LMLN: variants seen among roughly 807,000 people sequenced by gnomAD.
LMLN encodes leishmanolysin-like peptidase.
In LMLN, 70 loss-of-function variants were observed where a neutral mutation model predicts 92.3. That is an observed-to-expected ratio of 0.76 (90% CI 0.63 to 0.92). LMLN has a LOEUF of 0.92. Among genes scored for constraint, LMLN ranks in the 40% least tolerant of loss-of-function variants. The pLI, the probability that LMLN is intolerant of heterozygous loss-of-function variation, is 0.00. For missense variants in LMLN, 691 were observed against 814.6 expected, an observed-to-expected ratio of 0.85 and a Z score of 1.85; for synonymous variants, 308 against 296.2, an observed-to-expected ratio of 1.04 and a Z score of -0.41.
intron 2 of LMLN, 147 bp from the exon 3 acceptor site, chr3:197,974,895 T>C: frequency 1.6e-6 from 1 of 638,300 alleles, no homozygotes. Flanking sequence ...GCAAGGTTAT[T>C]AGAAAAGTAA....
intron 5 of LMLN, among the ~76,000 whole-genome samples, chr3:197,978,613 G>T (rs1252572603): frequency 6.6e-6 from 1 of 152,180 alleles, no homozygotes; most frequent in South Asian, 2.1e-4. Flanking sequence ...CTCCAACCTG[G>T]GTGACAGAGT....
At chr3:198,030,245 C>T (rs751339626) in intron 14 of LMLN, among the ~76,000 whole-genome samples, 1 of 152,122 alleles carries the variant, frequency 6.6e-6, no homozygotes, top group Non-Finnish European at 1.5e-5. Flanking sequence ...TGGTTCGCCT[C>T]GTCCTCTTGC....
At chr3:197,996,382 C>T (rs1310458891) in intron 10 of LMLN, 100 bp downstream of exon 10, 25 of 677,914 alleles carry the variant, frequency 3.7e-5, no homozygotes, top group Non-Finnish European at 9.5e-6. Context: ...AAAATGTTTA[C>T]GTCCCTTTAC....
intron 13 of LMLN, 145 bp from the exon 15 acceptor site, chr3:198,024,513 C>A: frequency 1.4e-6 from 1 of 702,896 alleles, no homozygotes. Context: ...CCGTGCCCAG[C>A]CTACCCTAAT....
intron 11 of LMLN, among the ~76,000 whole-genome samples, chr3:198,015,235 T>C (rs1259143334): frequency 1.5e-5 from 2 of 134,436 alleles, no homozygotes; most frequent in African/African-American, 5.8e-5. Flanking sequence ...GTCTGACTTC[T>C]CTCCACCCTT....
At chr3:197,965,007 C>CAA (rs954254964) in intron 1 of LMLN, among the ~76,000 whole-genome samples, 27 of 91,018 alleles carry the variant, frequency 3.0e-4, no homozygotes, top group African/African-American at 8.1e-4. Flanking sequence ...AACTCTGTCT[C>CAA]AAAAAAAAAA....
chr3:198,012,282 C>T (rs1018215259), intron 11 of LMLN, among the ~76,000 whole-genome samples: 6 of 152,174 alleles, frequency 3.9e-5, no homozygotes, highest in African/African-American at 7.2e-5. Flanking sequence ...CCAGGCTGGT[C>T]TTGAACTGCT....
rs1313869409 is a variant in LMLN at position 198,036,129 on chromosome 3, A to G, written c.1867+86A>G. The G allele has an allele frequency of 4.9e-6, 6 of 1,218,458 alleles. No homozygotes were observed. The African/African-American group carries it at 7.5e-5, about 15-fold the overall frequency. 75.5% of individuals were successfully genotyped at this position (1,218,458 alleles called of 1,614,324 possible). A position where few individuals can be genotyped will look rare whatever the true frequency, so the allele number is the denominator to read the frequency against. ...AAAATGTTGGCATTTCCCTTCAAGG[A>G]AGCTCTAAAACAAGTTGAGTTTCTT... On this transcript the variant is annotated intron_variant, in intron 15 of 15. Coordinates refer to ENST00000330198, the Ensembl canonical transcript of LMLN.
chr3:197,998,173 A>G (rs1722078502), intron 10 of LMLN, among the ~76,000 whole-genome samples: 1 of 152,232 alleles, frequency 6.6e-6, no homozygotes, highest in African/African-American at 2.4e-5. Flanking sequence ...ACCACAATAG[A>G]CAGATGGGAG....
chr3:197,983,897 T>C, intron 6 of LMLN, 46 bp from the exon 7 acceptor site: 1 of 1,258,868 alleles, frequency 7.9e-7, no homozygotes, highest in South Asian at 1.2e-5. Flanking sequence ...TGTTAATAAA[T>C]ATTGTTCTGG....
intron 1 of LMLN, among the ~76,000 whole-genome samples, chr3:197,964,337 C>T (rs1720986682): frequency 6.6e-6 from 1 of 151,598 alleles, no homozygotes; most frequent in Non-Finnish European, 1.5e-5. Context: ...AGCTGCTCTT[C>T]ACAAATTTTG....
intron 6 of LMLN, among the ~76,000 whole-genome samples, chr3:197,982,943 C>T (rs1721599850): frequency 6.6e-6 from 1 of 152,176 alleles, no homozygotes; most frequent in African/African-American, 2.4e-5. Context: ...CCTCAGTGGA[C>T]ACTGTCGGAG....
At chr3:197,980,299 G>T in intron 5 of LMLN, 27 bp from the exon 6 acceptor site, 1 of 1,595,070 alleles carries the variant, frequency 6.3e-7, no homozygotes, top group Non-Finnish European at 8.6e-7. Context: ...CTCTGTTCTG[G>T]CTTTCTGATG....
At chr3:198,002,719 C>T (rs563961366) in intron 11 of LMLN, among the ~76,000 whole-genome samples, 1 of 152,310 alleles carries the variant, frequency 6.6e-6, no homozygotes, top group East Asian at 1.9e-4. Context: ...GCCTGGGTGA[C>T]AGAGCAAGAC....
chr3:198,023,371 G>A (rs977057559), intron 13 of LMLN, among the ~76,000 whole-genome samples: 3 of 151,834 alleles, frequency 2.0e-5, no homozygotes. Context: ...AAAAATTTTT[G>A]TAGAGATGAG....
At chr3:197,976,065 A>G in exon 4 of LMLN, 1 of 1,607,384 alleles carries the variant, frequency 6.2e-7, no homozygotes, top group Non-Finnish European at 8.5e-7. Context: ...TTATTTAGAG[A>G]AGACTTTTCA....
At chr3:198,013,806 GCCT>G in intron 11 of LMLN, among the ~76,000 whole-genome samples, 1 of 140,364 alleles carries the variant, frequency 7.1e-6, no homozygotes, top group South Asian at 2.2e-4. Context: ...ACCCTTCAGA[GCCT>G]CCTAACTAGT....
chr3:197,969,083 C>G (rs1721150638), intron 1 of LMLN, among the ~76,000 whole-genome samples: 2 of 151,210 alleles, frequency 1.3e-5, no homozygotes, highest in Non-Finnish European at 2.9e-5. Context: ...TGTATTCTCT[C>G]TGTCTTTTTT....
intron 11 of LMLN, among the ~76,000 whole-genome samples, chr3:198,016,845 G>A (rs1287672483): frequency 6.6e-6 from 1 of 152,072 alleles, no homozygotes; most frequent in Non-Finnish European, 1.5e-5. Context: ...AGTCCAAATA[G>A]TAAATATTTT....
Sources: allele counts gnomAD v4.1 joint callset (sites outside exome capture counted in the v4.1 genomes callset), GRCh38; gene constraint gnomAD v4.1.1; transcripts MANE v1.5; gene names NCBI Gene and HGNC (gene_info 2026-07-23, HGNC 2026-07-21).